KCNK13: variants seen among roughly 807,000 people sequenced by gnomAD.
KCNK13 encodes the protein potassium channel subfamily K member 13.
A neutral mutation model predicts 23.4 loss-of-function variants in KCNK13; 12 were observed. The observed-to-expected ratio is 0.51, with a 90% CI of 0.33 to 0.83. KCNK13 has a LOEUF of 0.83. Ranked by LOEUF, KCNK13 falls within the 40% of genes least tolerant of loss-of-function variation. The probability of loss-of-function intolerance (pLI) is 0.02; values close to 1 mark genes in which losing one functional copy is unlikely to be tolerated. For missense variants in KCNK13, 463 were observed against 556.3 expected, an observed-to-expected ratio of 0.83 and a Z score of 1.69; for synonymous variants, 231 against 229.5, an observed-to-expected ratio of 1.01 and a Z score of -0.06.
intron 1 of KCNK13, among the ~76,000 whole-genome samples, chr14:90,078,629 G>T (rs1007603054): frequency 1.3e-5 from 2 of 152,022 alleles, no homozygotes; most frequent in African/African-American, 4.8e-5. Flanking sequence ...AGGCAGGCAG[G>T]CAGGCAGGCA....
chr14:90,124,537 C>G (rs1889773685), intron 1 of KCNK13, among the ~76,000 whole-genome samples: 1 of 152,242 alleles, frequency 6.6e-6, no homozygotes, highest in South Asian at 2.1e-4. Context: ...TGGGCAGCCT[C>G]AATAAGCCAG....
chr14:90,074,213 C>A (rs569038860), intron 1 of KCNK13, among the ~76,000 whole-genome samples: 13 of 152,340 alleles, frequency 8.5e-5, no homozygotes, highest in African/African-American at 3.1e-4. Flanking sequence ...CGTGATCCAC[C>A]CGCCTTGGCC....
At chr14:90,117,458 C>T (rs569998146) in intron 1 of KCNK13, among the ~76,000 whole-genome samples, 13 of 152,074 alleles carry the variant, frequency 8.5e-5, no homozygotes, top group South Asian at 6.2e-4. Flanking sequence ...GGCGTGGTGG[C>T]GCGCGCCTGT....
In KCNK13 at chr14:90,172,057, A is replaced by G. The variant is rs140682362; in HGVS notation, c.335-12054A>G. The stretch of plus-strand genomic sequence containing the variant: ...AGGGGCCAGGCGTGGTGGCTCACAC[A>G]TGTAATCCCACCGCTTTGGGAGGAT... On this transcript the variant is annotated intron_variant, in intron 1 of 1. Coordinates refer to ENST00000282146, the MANE Select transcript of KCNK13 (RefSeq NM_022054.4). Among the ~76,000 whole-genome samples, 969 of 152,150 alleles carry G rather than the reference A, an allele frequency of 6.4e-3. 7 individuals are homozygous for G. The highest frequency in any genetic ancestry group is 0.023 in the African/African-American group (935 of 41,546).
At position 90,135,510 on chromosome 14, in the gene KCNK13, G is replaced by A. The variant is rs569889504; in HGVS notation, c.335-48601G>A. On this transcript the variant is annotated intron_variant, in intron 1 of 1. Coordinates refer to ENST00000282146, the MANE Select transcript of KCNK13 (RefSeq NM_022054.4). ...GTTTTCTGTTTGATGGCCACTACCCGATGTGGGGTCTCGAGAGGACCTTTT... is the reference window on the plus strand; with the variant it reads ...GTTTTCTGTTTGATGGCCACTACCCAATGTGGGGTCTCGAGAGGACCTTTT... Among the ~76,000 whole-genome samples the A allele has an allele frequency of 9.8e-5, 15 of 152,290 alleles. 1 individual carries two copies. The highest frequency in any genetic ancestry group is 4.1e-4 in the South Asian group (2 of 4,824).
At chr14:90,121,587 T>A (rs772196440) in intron 1 of KCNK13, among the ~76,000 whole-genome samples, 7 of 152,214 alleles carry the variant, frequency 4.6e-5, no homozygotes, top group Non-Finnish European at 8.8e-5. Context: ...ATGTAGTATA[T>A]GCTCATTATA....
At chr14:90,173,456 A>G (rs1197362178) in intron 1 of KCNK13, among the ~76,000 whole-genome samples, 1 of 152,240 alleles carries the variant, frequency 6.6e-6, no homozygotes, top group Non-Finnish European at 1.5e-5. Flanking sequence ...TATTCATATT[A>G]TGTGAGTCAT....
chr14:90,161,360 A>G (rs1345995296), intron 1 of KCNK13, among the ~76,000 whole-genome samples: 2 of 152,230 alleles, frequency 1.3e-5, no homozygotes, highest in Non-Finnish European at 2.9e-5. Context: ...AAAGTTCTGG[A>G]GATGGCTAGT....
intron 1 of KCNK13, among the ~76,000 whole-genome samples, chr14:90,070,022 C>A (rs72697385): frequency 0.11 from 16,470 of 152,186 alleles, 1,029 homozygotes; most frequent in East Asian, 0.21. Flanking sequence ...TACCAACCAA[C>A]AACAAACACT....
intron 1 of KCNK13, among the ~76,000 whole-genome samples, chr14:90,085,721 TATATA>T (rs1889263922): frequency 7.2e-6 from 1 of 138,936 alleles, no homozygotes; most frequent in Non-Finnish European, 1.5e-5. Flanking sequence ...TATATACTTA[TATATA>T]ATATATATAT....
chr14:90,182,895 C>T (rs1890504419), intron 1 of KCNK13, among the ~76,000 whole-genome samples: 1 of 151,736 alleles, frequency 6.6e-6, no homozygotes, highest in Non-Finnish European at 1.5e-5. Flanking sequence ...GAGGCATGCT[C>T]AGTATTCTTT....
intron 1 of KCNK13, among the ~76,000 whole-genome samples, chr14:90,085,044 G>A (rs1419181997): frequency 6.6e-6 from 1 of 152,026 alleles, no homozygotes; most frequent in Admixed American, 6.6e-5. Flanking sequence ...CCAGGTTCAA[G>A]CGATTCTTGT....
chr14:90,064,209 C>T lies in KCNK13; in HGVS notation c.334+1670C>T, dbSNP rs575088956. 2.6e-5 allele frequency among the ~76,000 whole-genome samples: 4 copies of T among 152,230 alleles called. No individual in the cohort carries two copies. In the South Asian group the frequency reaches 8.3e-4, roughly 32 times the overall value. On this transcript the variant is annotated intron_variant, in intron 1 of 1. Coordinates refer to ENST00000282146, the MANE Select transcript of KCNK13 (RefSeq NM_022054.4). Reference sequence around the variant, plus strand: ...TAGGAGGTGTCACTTTGGAAGTGACCTTGACTCTACTGTGTTTGCATAGCA... The same window carrying T: ...TAGGAGGTGTCACTTTGGAAGTGACTTTGACTCTACTGTGTTTGCATAGCA...
At chr14:90,101,683 G>C (rs78526459) in intron 1 of KCNK13, among the ~76,000 whole-genome samples, 38,703 of 149,220 alleles carry the variant, frequency 0.26, 5,307 homozygotes, top group Admixed American at 0.33. Flanking sequence ...CCAGCTACTC[G>C]GGAGGCTGAG....
At chr14:90,115,980 C>G (rs1889672572) in intron 1 of KCNK13, among the ~76,000 whole-genome samples, 1 of 152,168 alleles carries the variant, frequency 6.6e-6, no homozygotes, top group African/African-American at 2.4e-5. Context: ...CCAGAAGGTT[C>G]TGTGTTTCTT....
intron 1 of KCNK13, among the ~76,000 whole-genome samples, chr14:90,116,418 G>A (rs1055964874): frequency 2.6e-5 from 4 of 152,164 alleles, no homozygotes; most frequent in African/African-American, 4.8e-5. Flanking sequence ...ATAAACTATC[G>A]CACAGTTATA....
chr14:90,109,409 CTT>C (rs557644405), intron 1 of KCNK13, among the ~76,000 whole-genome samples: 7 of 123,298 alleles, frequency 5.7e-5, no homozygotes, highest in Non-Finnish European at 6.6e-5. Flanking sequence ...CTTTTCTTTC[CTT>C]TTTTTTTTTT....
intron 1 of KCNK13, among the ~76,000 whole-genome samples, chr14:90,087,441 C>T (rs1238782941): frequency 6.6e-6 from 1 of 152,020 alleles, no homozygotes; most frequent in Non-Finnish European, 1.5e-5. Flanking sequence ...AATACACTTC[C>T]CCAGACTGCC....
At chr14:90,118,042 A>T (rs1189561658) in intron 1 of KCNK13, among the ~76,000 whole-genome samples, 1 of 152,190 alleles carries the variant, frequency 6.6e-6, no homozygotes, top group Non-Finnish European at 1.5e-5. Flanking sequence ...AAGAGATTTT[A>T]TTACTTGCAG....
Sources: allele counts gnomAD v4.1 joint callset (sites outside exome capture counted in the v4.1 genomes callset), GRCh38; gene constraint gnomAD v4.1.1; transcripts MANE v1.5; gene names NCBI Gene and HGNC (gene_info 2026-07-23, HGNC 2026-07-21).